The following MBOAT1 variants were observed in gnomAD, a reference collection of about 807,000 sequenced individuals.
MBOAT1 encodes membrane-bound glycerophospholipid O-acyltransferase 1.
A neutral mutation model predicts 64.4 loss-of-function variants in MBOAT1; 67 were observed. That is an observed-to-expected ratio of 1.04 (90% CI 0.85 to 1.27). The LOEUF (loss-of-function observed/expected upper bound fraction) is 1.27, where lower values mean the gene tolerates loss of function less well. Ranked by LOEUF, MBOAT1 falls within the 50% of genes most tolerant of loss-of-function variation. MBOAT1 has a pLI of 0.00. For synonymous variants in MBOAT1, 229 were observed against 218.9 expected (o/e 1.05, Z -0.41); for missense variants, 563 against 604.6 (o/e 0.93, Z 0.72).
At chr6:20,188,958 T>G (rs2113753106) in intron 1 of MBOAT1, among the ~76,000 whole-genome samples, 1 of 152,330 alleles carries the variant, frequency 6.6e-6, no homozygotes, top group South Asian at 2.1e-4. Flanking sequence ...TTCCCACCTC[T>G]CAGTTCCTGA....
chr6:20,149,117 AAAC>A (rs1272183071), intron 3 of MBOAT1, among the ~76,000 whole-genome samples: 32 of 146,986 alleles, frequency 2.2e-4, no homozygotes, highest in African/African-American at 8.1e-4. Context: ...AAAAAAAAAA[AAAC>A]CAAACAAAAA....
At chr6:20,189,631 C>T (rs143564571) in intron 1 of MBOAT1, among the ~76,000 whole-genome samples, 90 of 152,334 alleles carry the variant, frequency 5.9e-4, no homozygotes, top group African/African-American at 2.0e-3. Flanking sequence ...CAATAGATCA[C>T]TTGAACTTAT....
chr6:20,109,170 C>T (rs559704256), intron 12 of MBOAT1, among the ~76,000 whole-genome samples: 61 of 152,292 alleles, frequency 4.0e-4, no homozygotes, highest in Admixed American at 1.2e-3. Flanking sequence ...CTGCACACCA[C>T]TCGATCAGGC....
At chr6:20,177,346 G>A (rs1762371217) in intron 1 of MBOAT1, among the ~76,000 whole-genome samples, 1 of 152,116 alleles carries the variant, frequency 6.6e-6, no homozygotes, top group South Asian at 2.1e-4. Flanking sequence ...CAGCATCTGG[G>A]CTTTTTGTTT....
intron 12 of MBOAT1, among the ~76,000 whole-genome samples, chr6:20,106,220 T>A (rs1007911753): frequency 6.6e-6 from 1 of 152,356 alleles, no homozygotes; most frequent in African/African-American, 2.4e-5. Context: ...TAAAAGATTA[T>A]GAAAACACTG....
At chr6:20,181,684 C>T (rs1005257086) in intron 1 of MBOAT1, among the ~76,000 whole-genome samples, 3 of 152,204 alleles carry the variant, frequency 2.0e-5, no homozygotes, top group Non-Finnish European at 4.4e-5. Flanking sequence ...TCGGTGCCCA[C>T]GCGTGTGAAA....
chr6:20,153,372 G>A (rs534145484), intron 1 of MBOAT1, among the ~76,000 whole-genome samples: 54 of 152,272 alleles, frequency 3.5e-4, no homozygotes, highest in Admixed American at 2.2e-3. Flanking sequence ...AGCTAACTGA[G>A]CTCTGTTTAG....
At chr6:20,188,879 G>A (rs1359642070) in intron 1 of MBOAT1, among the ~76,000 whole-genome samples, 1 of 152,150 alleles carries the variant, frequency 6.6e-6, no homozygotes, top group Non-Finnish European at 1.5e-5. Context: ...GTGCCTGCAG[G>A]TTGTTCTTTT....
At chr6:20,202,905 T>C (rs1172161946) in intron 1 of MBOAT1, among the ~76,000 whole-genome samples, 9 of 152,232 alleles carry the variant, frequency 5.9e-5, no homozygotes, top group African/African-American at 2.2e-4. Flanking sequence ...CAGCCACTGT[T>C]ACTAAGTGAC....
In MBOAT1 at chr6:20,212,231, C is replaced by G. The variant is rs1274824734; in HGVS notation, c.4G>C (p.Ala2Pro). The G allele has an allele frequency of 1.9e-6, 3 of 1,611,774 alleles. No individual in the cohort carries two copies. In the African/African-American group the frequency reaches 4.0e-5, roughly 21 times the overall value. Reference protein sequence around the residue: MAAEPQPSSLSY... With the variant: MPAEPQPSSLSY... Reference sequence around the variant, plus strand: ...AGGCTGGACGGCTGCGGCTCTGCTGCCATCCTGCATCTTCGGGAGGTGGCT... The same window carrying G: ...AGGCTGGACGGCTGCGGCTCTGCTGGCATCCTGCATCTTCGGGAGGTGGCT... Residue 2 changes from alanine to proline, a missense_variant, in exon 1 of 13, where the codon GCA becomes CCA. Ala to Pro is a conservative substitution (Grantham distance 27). Transcript: ENST00000324607.
intron 1 of MBOAT1, among the ~76,000 whole-genome samples, chr6:20,209,401 T>G (rs997706182): frequency 1.3e-5 from 2 of 152,152 alleles, no homozygotes; most frequent in East Asian, 1.9e-4. Flanking sequence ...GCTTTCCTAT[T>G]TAAGGATGCC....
chr6:20,196,870 A>AAC (rs1762970602), intron 1 of MBOAT1, among the ~76,000 whole-genome samples: 3 of 150,848 alleles, frequency 2.0e-5, no homozygotes, highest in Admixed American at 6.6e-5. Flanking sequence ...CTCAAAAAAA[A>AAC]AAACAAACAA....
At position 20,132,033 on chromosome 6, in the gene MBOAT1, C is replaced by A. The variant is rs58857154; in HGVS notation, c.420-834G>T. ...AAGTAGTTGGGATTACAGGTATATA[C>A]CATCGCGCCCGGCTAATTTTTGTAT... On this transcript the variant is annotated intron_variant, in intron 4 of 12. Transcript: ENST00000324607. 8.3e-3 allele frequency among the ~76,000 whole-genome samples: 1,250 copies of A among 150,790 alleles called. 11 individuals carry two copies. Among genetic ancestry groups the A allele is most frequent in the African/African-American group, 0.028 (1,136 of 41,092 alleles).
At chr6:20,207,078 G>GA (rs1214818197) in intron 1 of MBOAT1, among the ~76,000 whole-genome samples, 1 of 152,076 alleles carries the variant, frequency 6.6e-6, no homozygotes, top group East Asian at 1.9e-4. Context: ...GCTGCTGAAA[G>GA]AAAAAAAGCA....
chr6:20,113,061 A>C (rs1328940965), intron 10 of MBOAT1, 53 bp from the exon 11 acceptor site: 21 of 1,585,302 alleles, frequency 1.3e-5, no homozygotes, highest in Non-Finnish European at 1.8e-5. Context: ...GAAACTTCTA[A>C]GTACAGCTGC....
intron 1 of MBOAT1, among the ~76,000 whole-genome samples, chr6:20,158,260 C>T (rs991965563): frequency 4.6e-5 from 7 of 151,854 alleles, no homozygotes; most frequent in Non-Finnish European, 1.0e-4. Context: ...AGAGAGTCCA[C>T]AAATAAGCCT....
At chr6:20,153,711 C>A (rs546502051) in intron 1 of MBOAT1, among the ~76,000 whole-genome samples, 1 of 152,238 alleles carries the variant, frequency 6.6e-6, no homozygotes, top group East Asian at 1.9e-4. Context: ...ACGTCCAGTG[C>A]CAAGCCTGTC....
At chr6:20,105,095 C>T (rs151052639) in intron 12 of MBOAT1, among the ~76,000 whole-genome samples, 1 of 152,342 alleles carries the variant, frequency 6.6e-6, no homozygotes, top group East Asian at 1.9e-4. Flanking sequence ...CAGGTATAGA[C>T]TGGGATTCTC....
At chr6:20,131,495 G>A (rs1313773780) in intron 4 of MBOAT1, among the ~76,000 whole-genome samples, 3 of 152,096 alleles carry the variant, frequency 2.0e-5, no homozygotes, top group Non-Finnish European at 2.9e-5. Context: ...TTCTCCTTCC[G>A]CCATGATTGT....
Sources: gnomAD v4.1 joint callset for allele counts (sites outside exome capture counted in the v4.1 genomes callset) on GRCh38, gnomAD v4.1.1 for gene constraint, MANE v1.5 for transcripts, NCBI Gene and HGNC (gene_info 2026-07-23, HGNC 2026-07-21) for gene names.